The following ATG4D variants were observed in gnomAD, a reference collection of about 807,000 sequenced individuals.
ATG4D encodes autophagy related 4D cysteine peptidase.
Under a neutral mutation model 55.2 loss-of-function variants are expected in ATG4D, and 51 were observed. The ratio of observed to expected loss-of-function variants is 0.92; its 90% CI spans 0.74 to 1.17. ATG4D has a LOEUF of 1.17. Ranked by LOEUF, ATG4D falls within the 50% of genes most tolerant of loss-of-function variation. The pLI, the probability that ATG4D is intolerant of heterozygous loss-of-function variation, is 0.00. For synonymous variants in ATG4D, 268 were observed against 266.2 expected, an observed-to-expected ratio of 1.01 and a Z score of -0.07; for missense variants, 635 against 649.6, an observed-to-expected ratio of 0.98 and a Z score of 0.25.
rs1568413916 is a variant in ATG4D, at chr19:10,544,212, C to T, written c.122C>T (p.Pro41Leu). 3 of 1,253,276 alleles carry T rather than the reference C, an allele frequency of 2.4e-6. No homozygotes were observed. The highest frequency in any genetic ancestry group is 1.0e-6 in the Non-Finnish European group (1 of 991,084). 77.6% of individuals were successfully genotyped at this position (1,253,276 alleles called of 1,614,324 possible). A position where few individuals can be genotyped will look rare whatever the true frequency, so the allele number is the denominator to read the frequency against. Residue 41 changes from proline (P) to leucine (L), a missense_variant, in exon 1 of 10, where the codon CCT becomes CTT. Transcript: ENST00000309469. ...GGCCCAGACCCCAACGGCCTGGGGCCTTCCGGAGCCAGCGGCCCCGCTCTT... is the reference window on the plus strand; with the variant it reads ...GGCCCAGACCCCAACGGCCTGGGGCTTTCCGGAGCCAGCGGCCCCGCTCTT... ...PRGPDPNGLG[P>L]SGASGPALGS... is the part of the protein sequence containing the mutation.
intron 7 of ATG4D, 27 bp downstream of exon 7, chr19:10,552,002 C>T: frequency 6.3e-7 from 1 of 1,593,916 alleles, no homozygotes; most frequent in Non-Finnish European, 8.6e-7. Context: ...CTCACTCCTC[C>T]CACCCCCCAC....
rs559424087 is a variant in ATG4D at position 10,553,036 on chromosome 19, G to A, written c.1394G>A (p.Arg465His). Residue 465 changes from arginine to histidine, a missense_variant, in exon 10 of 10, where the codon CGC (arginine) becomes CAC (histidine). Arg to His is a conservative substitution (Grantham distance 29). Coordinates refer to ENST00000309469, the MANE Select transcript of ATG4D (RefSeq NM_032885.6). ...PRTGRLLRAK[R>H]PSSEDFVFL is the part of the protein sequence containing the mutation. Reference sequence around the variant, plus strand: ...ACAGGGCGGCTCCTCAGGGCCAAACGCCCCAGCTCTGAGGACTTTGTGTTT... The same window carrying A: ...ACAGGGCGGCTCCTCAGGGCCAAACACCCCAGCTCTGAGGACTTTGTGTTT... 3.1e-6 allele frequency: 5 copies of A among 1,610,456 alleles called. No homozygotes were observed. The East Asian group carries it at 6.7e-5, about 22-fold the overall frequency.
chr19:10,551,984 A>AC lies in ATG4D; in HGVS notation c.1045+14dup. 7.9e-7 allele frequency: 1 copy of AC among 1,261,652 alleles called. No individual in the cohort carries two copies. The highest frequency in any genetic ancestry group is 1.1e-6 in the Non-Finnish European group (1 of 907,340). 78.2% of individuals were successfully genotyped at this position (1,261,652 alleles called of 1,614,324 possible). On this transcript the variant is annotated intron_variant, in intron 7 of 9. Transcript: ENST00000309469. ...CTTCATTGGCTACCAAGGTAGGCCC[A>AC]CCCCCTCCTCACTCCTCCCACCCCC...
rs781286935 is a variant in ATG4D, at chr19:10,546,922, C to A, written c.577C>A (p.Arg193Ser). 1 of 1,612,312 alleles carries A rather than the reference C, an allele frequency of 6.2e-7. No homozygotes were observed. The change falls in exon 4 of 10, where the codon CGC becomes AGC. Residue 193 changes from arginine to serine, a missense_variant. Arg to Ser is a moderately radical substitution (Grantham distance 110, BLOSUM62 -1). Transcript: ENST00000309469. The part of the protein sequence containing the change: ...ASPSRYHGPA[R>S]WMPPRWAQGA... ...TCCCAGCCGGTACCATGGGCCTGCC[C>A]GCTGGATGCCCCCACGCTGGGCCCA...
chr19:10,553,185 C>T lies in ATG4D; in HGVS notation c.*118C>T, dbSNP rs951263700. The T allele has an allele frequency of 5.4e-6, 7 of 1,288,342 alleles. No homozygotes were observed. The highest frequency in any genetic ancestry group is 7.3e-6 in the Non-Finnish European group (7 of 957,702). 79.8% of individuals were successfully genotyped at this position (1,288,342 alleles called of 1,614,324 possible). On this transcript the variant is annotated 3_prime_UTR_variant, in exon 10 of 10. Coordinates refer to ENST00000309469, the MANE Select transcript of ATG4D (RefSeq NM_032885.6). ...TACTTCCTGTTGTCAGCCCCTCAAGCCCAGCTGCAACCAGTCTGGGGCCAT... is the reference window on the plus strand; with the variant it reads ...TACTTCCTGTTGTCAGCCCCTCAAGTCCAGCTGCAACCAGTCTGGGGCCAT...
chr19:10,552,905 C>G lies in ATG4D; in HGVS notation c.1263C>G (p.Ala421=), dbSNP rs200314821. 6.2e-5 allele frequency: 100 copies of G among 1,611,144 alleles called. No homozygotes were observed. Among genetic ancestry groups the G allele is most frequent in the Admixed American group, 1.0e-4 (6 of 59,868 alleles). ...ELTRVLSSSS[A]TERYPMFTLA... is the part of the protein sequence containing the mutation. Reference sequence around the variant, plus strand: ...GCCAGGTCCTCAGCTCCTCCTCAGCCACAGAGCGGTACCCCATGTTCACCC... The same window carrying G: ...GCCAGGTCCTCAGCTCCTCCTCAGCGACAGAGCGGTACCCCATGTTCACCC... The change falls in exon 10 of 10, where the codon GCC becomes GCG. Residue 421 remains alanine, a synonymous_variant. Transcript: ENST00000309469.
At chr19:10,548,808 A>T in intron 5 of ATG4D, 96 bp from the exon 6 acceptor site, 14 of 1,514,732 alleles carry the variant, frequency 9.2e-6, no homozygotes, top group Non-Finnish European at 1.2e-5. Flanking sequence ...CCCTCTGAGA[A>T]ATTGCACGGT....
rs911206633 is a variant in ATG4D at position 10,546,785 on chromosome 19, G to C, written c.494-54G>C. 36 of 1,502,610 alleles carry C rather than the reference G, an allele frequency of 2.4e-5. No homozygotes were observed. The Admixed American group carries it at 7.7e-4, about 32-fold the overall frequency. The allele number at this position is 1,502,610 out of a possible 1,614,324, so 93.1% of individuals were successfully genotyped here. ...TTGTGTGCGGTGCATGTGTAGATGG[G>C]ACCTCTGCCCCCCACACACTAGCAC... On this transcript the variant is annotated intron_variant, in intron 3 of 9. Coordinates refer to ENST00000309469, the MANE Select transcript of ATG4D (RefSeq NM_032885.6).
intron 6 of ATG4D, among the ~76,000 whole-genome samples, chr19:10,550,707 G>T (rs778114791): frequency 7.6e-6 from 1 of 130,942 alleles, no homozygotes; most frequent in Non-Finnish European, 1.6e-5. Context: ...GATGCATGTG[G>T]CTTTTTTTTT....
intron 1 of ATG4D, 29 bp downstream of exon 1, chr19:10,544,354 G>T: frequency 7.7e-7 from 1 of 1,301,220 alleles, no homozygotes. Flanking sequence ...GATCGTGGGG[G>T]TGTCGGGGGC....
Position 10,546,835 on chromosome 19 carries a change from C to A in ATG4D, c.494-4C>A. Reference sequence around the variant, plus strand: ...CTGTTTGACTATGTGCTCCATTCCACCAGACTGGACATGGGCCGAGGGCAT... The same window carrying A: ...CTGTTTGACTATGTGCTCCATTCCAACAGACTGGACATGGGCCGAGGGCAT... On this transcript the variant is annotated splice_polypyrimidine_tract_variant and splice_region_variant and intron_variant, in intron 3 of 9. Coordinates refer to ENST00000309469, the MANE Select transcript of ATG4D (RefSeq NM_032885.6). 1 of 1,569,166 alleles carries A rather than the reference C, an allele frequency of 6.4e-7. No homozygotes were observed. The highest frequency in any genetic ancestry group is 8.7e-7 in the Non-Finnish European group (1 of 1,154,424).
intron 5 of ATG4D, 32 bp downstream of exon 5, chr19:10,547,285 C>A (rs372860343): frequency 3.3e-5 from 53 of 1,604,894 alleles, no homozygotes; most frequent in Non-Finnish European, 4.2e-5. Flanking sequence ...TCACAGGGGC[C>A]CCACCCTGAG....
At position 10,553,204 on chromosome 19, in the gene ATG4D, G is replaced by A; in HGVS notation, c.*137G>A. 3 of 1,126,646 alleles carry A rather than the reference G, an allele frequency of 2.7e-6. No individual in the cohort carries two copies. Among genetic ancestry groups the A allele is most frequent in the Non-Finnish European group, 3.7e-6 (3 of 815,838 alleles). The allele number at this position is 1,126,646 out of a possible 1,614,324, so 69.8% of individuals were successfully genotyped here. The stretch of plus-strand genomic sequence containing the variant: ...CTCAAGCCCAGCTGCAACCAGTCTG[G>A]GGCCATTCAGCCAGGGACAGAGCCC... On this transcript the variant is annotated 3_prime_UTR_variant, in exon 10 of 10. Coordinates refer to ENST00000309469, the MANE Select transcript of ATG4D (RefSeq NM_032885.6).
Position 10,548,946 on chromosome 19 carries a change from C to A in ATG4D, c.878C>A (p.Pro293His). 1 of 1,614,048 alleles carries A rather than the reference C, an allele frequency of 6.2e-7. No homozygotes were observed. Among genetic ancestry groups the A allele is most frequent in the Non-Finnish European group, 8.5e-7 (1 of 1,179,998 alleles). The change falls in exon 6 of 10, where the codon CCC becomes CAC. Residue 293 changes from proline (P) to histidine (H), a missense_variant. Pro to His is a moderately conservative substitution (Grantham distance 77, BLOSUM62 -2). Coordinates refer to ENST00000309469, the MANE Select transcript of ATG4D (RefSeq NM_032885.6). ...DVARLVARPD[P>H]TAEWKSVVIL... Reference sequence around the variant, plus strand: ...GCACGCCTGGTGGCCAGGCCAGACCCCACAGCCGAGTGGAAGTCTGTGGTC... The same window carrying A: ...GCACGCCTGGTGGCCAGGCCAGACCACACAGCCGAGTGGAAGTCTGTGGTC...
chr19:10,551,778 AG>A, intron 6 of ATG4D, 118 bp from the exon 7 acceptor site: 3 of 827,952 alleles, frequency 3.6e-6, no homozygotes, highest in Non-Finnish European at 6.1e-6. Flanking sequence ...CCTGAGGGCA[AG>A]GGTTTTGTGG....
chr19:10,544,698 C>G (rs1915975286), intron 1 of ATG4D, 85 bp from the exon 2 acceptor site: 1 of 1,587,544 alleles, frequency 6.3e-7, no homozygotes, highest in African/African-American at 1.3e-5. Flanking sequence ...AGGATCGTGC[C>G]CATTTCACAG....
At position 10,552,159 on chromosome 19, in the gene ATG4D, G is replaced by A. The variant is rs199912582; in HGVS notation, c.1122+38G>A. 284 of 1,610,680 alleles carry A rather than the reference G, an allele frequency of 1.8e-4. No individual in the cohort carries two copies. In the East Asian group the frequency reaches 3.9e-3, roughly 22 times the overall value. ...CCCAGTGTGTGGTTGGGGCCATGGC[G>A]GGTGGGCAGCCCAGCCTCTGAGCCT... On this transcript the variant is annotated intron_variant, in intron 8 of 9. Coordinates refer to ENST00000309469, the MANE Select transcript of ATG4D (RefSeq NM_032885.6).
chr19:10,549,122 TC>T, intron 6 of ATG4D, 88 bp downstream of exon 6: 54 of 1,478,446 alleles, frequency 3.7e-5, no homozygotes, highest in South Asian at 2.0e-4. Context: ...TGTGCAGCCC[TC>T]ATCACTTTTT....
In ATG4D at chr19:10,544,829, C is replaced by G. The variant is rs758534506; in HGVS notation, c.282C>G (p.Ile94Met). ...CCAGCTTTAGCAAGATCTCCAGCAT[C>G]CACCTCTGTGGCCGCCGCTACCGTT... ...SRTSFSKISS[I>M]HLCGRRYRFE... is the part of the protein sequence containing the mutation. The change falls in exon 2 of 10, where the codon ATC (isoleucine) becomes ATG (methionine). Residue 94 changes from isoleucine (I) to methionine (M), a missense_variant. Transcript: ENST00000309469. 4 of 1,613,960 alleles carry G rather than the reference C, an allele frequency of 2.5e-6. No individual in the cohort carries two copies. The highest frequency in any genetic ancestry group is 3.4e-6 in the Non-Finnish European group (4 of 1,179,878).
Sources: gnomAD v4.1 joint callset for allele counts (sites outside exome capture counted in the v4.1 genomes callset) on GRCh38, gnomAD v4.1.1 for gene constraint, MANE v1.5 for transcripts, NCBI Gene and HGNC (gene_info 2026-07-23, HGNC 2026-07-21) for gene names.